MYO5C: variants seen among roughly 807,000 people sequenced by gnomAD.
MYO5C encodes the protein myosin VC.
In MYO5C, 194 loss-of-function variants were observed where a neutral mutation model predicts 235.7. The observed-to-expected ratio is 0.82, with a 90% confidence interval of 0.73 to 0.93. MYO5C has a LOEUF of 0.93. Among genes scored for constraint, MYO5C ranks in the 40% least tolerant of loss-of-function variants. The pLI is 0.00. For missense variants in MYO5C, 2,038 were observed against 2,127.2 expected (o/e 0.96, Z 0.82); for synonymous variants, 707 against 754.8 (o/e 0.94, Z 1.04).
intron 29 of MYO5C, among the ~76,000 whole-genome samples, chr15:52,222,167 C>T (rs183688802): frequency 1.3e-5 from 2 of 152,322 alleles, no homozygotes; most frequent in Admixed American, 6.5e-5. Context: ...TTTCAACTTA[C>T]AATACAATAC....
chr15:52,226,605 C>T (rs2035827677), intron 25 of MYO5C, among the ~76,000 whole-genome samples: 2 of 152,194 alleles, frequency 1.3e-5, no homozygotes, highest in Non-Finnish European at 2.9e-5. Flanking sequence ...ATCCTCCTAA[C>T]AGGCCTATGA....
chr15:52,214,652 A>G lies in MYO5C; in HGVS notation c.3993T>C (p.Ile1331=), dbSNP rs764750134. ...TCTTGACTTGATCTTGTAGCTTTTT[A>G]ATCACTCTGTCTTTCATGTCTAATT... ...EEELDMKDRV[I]KKLQDQVKTL... is the part of the protein sequence containing the mutation. The change falls in exon 33 of 41, where the codon ATT becomes ATC. Residue 1331 remains isoleucine (I), a synonymous_variant. Transcript: ENST00000261839. 6.2e-7 allele frequency: 1 copy of G among 1,609,496 alleles called. No individual in the cohort carries two copies. Among genetic ancestry groups the G allele is most frequent in the South Asian group, 1.1e-5 (1 of 90,212 alleles).
chr15:52,204,564 T>C (rs2035257338), intron 38 of MYO5C, among the ~76,000 whole-genome samples: 1 of 152,068 alleles, frequency 6.6e-6, no homozygotes, highest in Non-Finnish European at 1.5e-5. Context: ...TCAGAGAAGG[T>C]AGTCACTACT....
At chr15:52,278,524 C>T (rs2037097209) in intron 4 of MYO5C, among the ~76,000 whole-genome samples, 1 of 151,200 alleles carries the variant, frequency 6.6e-6, no homozygotes, top group South Asian at 2.1e-4. Context: ...TCAGATCCTA[C>T]TTCCTGCAAT....
chr15:52,244,423 T>A lies in MYO5C; in HGVS notation c.2323A>T (p.Lys775Ter). 6.2e-7 allele frequency: 1 copy of A among 1,614,080 alleles called. No individual in the cohort carries two copies. The highest frequency in any genetic ancestry group is 8.5e-7 in the Non-Finnish European group (1 of 1,180,014). The change falls in exon 19 of 41, where the codon AAA (lysine) becomes TAA (stop). Residue 775 changes from lysine to a stop codon, truncating the protein, a stop_gained. Transcript: ENST00000261839. LOFTEE classifies it high-confidence loss of function. ...GCGGCTCGTCTCTCTCGGAGGAATT[T>A]TTTCCTCTGGAGCCAGCCACGCATG... ...KHMRGWLQRK[K>*]FLRERRAALI...
intron 38 of MYO5C, among the ~76,000 whole-genome samples, chr15:52,203,265 C>T (rs2141263950): frequency 6.6e-6 from 1 of 152,136 alleles, no homozygotes; most frequent in Non-Finnish European, 1.5e-5. Flanking sequence ...GAAATAAGCA[C>T]ATCAAGGAGA....
chr15:52,293,695 A>T (rs1192486428), intron 1 of MYO5C, among the ~76,000 whole-genome samples: 1 of 151,990 alleles, frequency 6.6e-6, no homozygotes, highest in Non-Finnish European at 1.5e-5. Flanking sequence ...TCCATGGCCA[A>T]CACTGCAGCT....
intron 1 of MYO5C, among the ~76,000 whole-genome samples, chr15:52,291,729 A>ATTTTTTTTTTTTTTTT (rs1317823747): frequency 8.6e-5 from 4 of 46,720 alleles, no homozygotes; most frequent in Non-Finnish European, 1.4e-4. Flanking sequence ...TGCATATTTT[A>ATTTTTTTTTTTTTTTT]TGTTTTTTTT....
At chr15:52,283,381 T>C (rs917725228) in intron 1 of MYO5C, among the ~76,000 whole-genome samples, 4 of 152,230 alleles carry the variant, frequency 2.6e-5, no homozygotes, top group African/African-American at 7.2e-5. Flanking sequence ...ACGAAAGTAT[T>C]GTTACAGCAA....
At chr15:52,241,401 A>G (rs2036219415) in intron 20 of MYO5C, among the ~76,000 whole-genome samples, 1 of 151,926 alleles carries the variant, frequency 6.6e-6, no homozygotes, top group East Asian at 1.9e-4. Flanking sequence ...CTGGGACTAC[A>G]GGTGCCCGTC....
chr15:52,283,867 G>T (rs2037209050), intron 1 of MYO5C, among the ~76,000 whole-genome samples: 1 of 151,882 alleles, frequency 6.6e-6, no homozygotes, highest in African/African-American at 2.4e-5. Flanking sequence ...TAGAGTCAGG[G>T]TCTCACCATG....
rs1566993896 is a variant in MYO5C at position 52,282,831 on chromosome 15, T to C, written c.89A>G (p.Asp30Gly). 1 of 1,614,122 alleles carries C rather than the reference T, an allele frequency of 6.2e-7. No homozygotes were observed. Among genetic ancestry groups the C allele is most frequent in the Admixed American group, 1.7e-5 (1 of 60,026 alleles). The change falls in exon 2 of 41, where the codon GAC becomes GGC. Residue 30 changes from aspartate (D) to glycine (G), a missense_variant. Coordinates refer to ENST00000261839, the MANE Select transcript of MYO5C (RefSeq NM_018728.4). ...EVWKSAEIAK[D>G]YRVGDKVLRL... ...CAGGACCTTGTCACCAACTCTGTAG[T>C]CCTTGGCTATTTCAGCAGACTTCCA...
intron 25 of MYO5C, among the ~76,000 whole-genome samples, chr15:52,227,733 GT>G (rs2035861462): frequency 6.6e-6 from 1 of 152,138 alleles, no homozygotes; most frequent in South Asian, 2.1e-4. Flanking sequence ...TCCTGATCAT[GT>G]GGTCTGACCT....
intron 2 of MYO5C, among the ~76,000 whole-genome samples, chr15:52,281,513 A>C (rs1178165757): frequency 6.6e-6 from 1 of 152,182 alleles, no homozygotes; most frequent in Non-Finnish European, 1.5e-5. Context: ...CTCAATAAAA[A>C]CTGCGAGGAG....
intron 32 of MYO5C, among the ~76,000 whole-genome samples, chr15:52,216,316 G>T (rs1414473285): frequency 1.3e-5 from 2 of 152,134 alleles, no homozygotes; most frequent in African/African-American, 4.8e-5. Context: ...CTGGGCTCAA[G>T]CAGTCCTCTT....
chr15:52,278,126 G>A (rs2037090780), intron 4 of MYO5C: 1 of 357,688 alleles, frequency 2.8e-6, no homozygotes, highest in Non-Finnish European at 5.5e-6. Context: ...AACTGTAAAG[G>A]CAGCTACAAA....
At chr15:52,233,546 G>C (rs373214473) in intron 23 of MYO5C, among the ~76,000 whole-genome samples, 1 of 152,308 alleles carries the variant, frequency 6.6e-6, no homozygotes, top group East Asian at 1.9e-4. Context: ...GCAAATGTCT[G>C]GGGGGTGAGG....
In MYO5C at chr15:52,264,412, G is replaced by C; in HGVS notation, c.941-116C>G. Reference sequence around the variant, plus strand: ...GCATCAGTGCCAAGCTCTGGGACAGGAACGTGAAGTGGACCCCAGGGGCAT... The same window carrying C: ...GCATCAGTGCCAAGCTCTGGGACAGCAACGTGAAGTGGACCCCAGGGGCAT... On this transcript the variant is annotated intron_variant, in intron 8 of 40. Coordinates refer to ENST00000261839, the MANE Select transcript of MYO5C (RefSeq NM_018728.4). 4 of 813,284 alleles carry C rather than the reference G, an allele frequency of 4.9e-6. No individual in the cohort carries two copies. The South Asian group carries it at 6.9e-5, about 14-fold the overall frequency. 50.4% of individuals were successfully genotyped at this position (813,284 alleles called of 1,614,324 possible).
intron 36 of MYO5C, among the ~76,000 whole-genome samples, chr15:52,206,506 G>A (rs781725090): frequency 1.2e-4 from 18 of 152,116 alleles, no homozygotes; most frequent in Admixed American, 9.2e-4. Context: ...GGATAGGGCC[G>A]TGATCTAATA....
Sources: allele counts gnomAD v4.1 joint callset (sites outside exome capture counted in the v4.1 genomes callset), GRCh38; gene constraint gnomAD v4.1.1; transcripts MANE v1.5; gene names NCBI Gene and HGNC (gene_info 2026-07-23, HGNC 2026-07-21).